DCAF1: variants seen among roughly 807,000 people sequenced by gnomAD.
The protein encoded by DCAF1 is DDB1- and CUL4-associated factor 1.
Under a neutral mutation model 128.0 loss-of-function variants are expected in DCAF1, and 15 were observed. That is an observed-to-expected ratio of 0.12 (90% CI 0.08 to 0.18). The LOEUF (loss-of-function observed/expected upper bound fraction) is 0.18, where lower values mean the gene tolerates loss of function less well. DCAF1 is among the 10% of genes least tolerant of loss of function. DCAF1 has a pLI of 1.00. For synonymous variants in DCAF1, 610 were observed against 603.0 expected (o/e 1.01, Z -0.17); for missense variants, 988 against 1,649.5 (o/e 0.60, Z 6.95).
intron 3 of DCAF1, among the ~76,000 whole-genome samples, chr3:51,472,231 G>A (rs181260723): frequency 6.6e-6 from 1 of 152,234 alleles, no homozygotes; most frequent in Admixed American, 6.6e-5. Context: ...GTTCTTCAAA[G>A]AGCCCAATTT....
chr3:51,441,280 T>C, intron 8 of DCAF1, 105 bp downstream of exon 8: 1 of 1,391,152 alleles, frequency 7.2e-7, no homozygotes, highest in Non-Finnish European at 9.6e-7. Context: ...CCCTTGTTTG[T>C]GGTAGAGTTA....
At chr3:51,495,083 G>C (rs1487648627) in intron 2 of DCAF1, among the ~76,000 whole-genome samples, 3 of 147,364 alleles carry the variant, frequency 2.0e-5, no homozygotes, top group Admixed American at 6.8e-5. Flanking sequence ...TGCACTTTGG[G>C]AGGCCAATGC....
chr3:51,465,016 C>A (rs1013472586), intron 5 of DCAF1, among the ~76,000 whole-genome samples: 4 of 152,066 alleles, frequency 2.6e-5, no homozygotes, highest in Admixed American at 2.6e-4. Context: ...AAGAGGGTAC[C>A]ATAATTTCTG....
At chr3:51,441,998 G>C (rs1157455151) in intron 7 of DCAF1, 101 bp from the exon 8 acceptor site, 1 of 1,468,704 alleles carries the variant, frequency 6.8e-7, no homozygotes, top group African/African-American at 1.4e-5. Flanking sequence ...GACTCATGCA[G>C]TGAGCCCAAC....
intron 3 of DCAF1, among the ~76,000 whole-genome samples, chr3:51,474,897 A>C (rs1341078178): frequency 6.7e-6 from 1 of 148,896 alleles, no homozygotes; most frequent in Non-Finnish European, 1.5e-5. Flanking sequence ...CAGTTCTCCT[A>C]CCTCAACCTC....
chr3:51,448,953 A>G (rs1292463958), intron 6 of DCAF1, among the ~76,000 whole-genome samples: 2 of 151,974 alleles, frequency 1.3e-5, no homozygotes, highest in Admixed American at 1.3e-4. Context: ...ATGTTAGGCC[A>G]CAAGTCTTAA....
rs180994215 is a variant in DCAF1 at position 51,422,495 on chromosome 3, G to C, written c.1848-64C>G. On this transcript the variant is annotated intron_variant, in intron 13 of 24. Coordinates refer to ENST00000684031, the MANE Select transcript of DCAF1 (RefSeq NM_001387579.1). Reference sequence around the variant, plus strand: ...AGCCACAAGAATCAAGAGAGACAGAGAGAGAGACACACAGACAGATAGACA... The same window carrying C: ...AGCCACAAGAATCAAGAGAGACAGACAGAGAGACACACAGACAGATAGACA... 7.3e-5 allele frequency: 52 copies of C among 712,152 alleles called. No homozygotes were observed. The African/African-American group carries it at 8.0e-4, about 11-fold the overall frequency. 44.1% of individuals were successfully genotyped at this position (712,152 alleles called of 1,614,324 possible). A position where few individuals can be genotyped will look rare whatever the true frequency, so the allele number is the denominator to read the frequency against.
chr3:51,417,126 G>A (rs558512278), intron 17 of DCAF1, among the ~76,000 whole-genome samples: 1 of 152,228 alleles, frequency 6.6e-6, no homozygotes, highest in Admixed American at 6.5e-5. Context: ...TTTGAAACAC[G>A]CAGCAAAGGG....
intron 3 of DCAF1, among the ~76,000 whole-genome samples, chr3:51,481,825 T>C (rs552893781): frequency 1.3e-5 from 2 of 152,108 alleles, no homozygotes; most frequent in African/African-American, 4.8e-5. Flanking sequence ...ACCCCACCTC[T>C]ACTAAAAATA....
At chr3:51,466,107 C>G (rs1299169038) in intron 5 of DCAF1, among the ~76,000 whole-genome samples, 1 of 152,144 alleles carries the variant, frequency 6.6e-6, no homozygotes, top group Non-Finnish European at 1.5e-5. Context: ...GAGCCTGAGG[C>G]AGGAGAATCA....
intron 1 of DCAF1, among the ~76,000 whole-genome samples, chr3:51,499,284 C>G (rs1708572571): frequency 6.6e-6 from 1 of 152,236 alleles, no homozygotes; most frequent in Non-Finnish European, 1.5e-5. Flanking sequence ...GACCCGCACA[C>G]CTCTCTTTCC....
At chr3:51,398,962 TC>T in intron 24 of DCAF1, 135 bp from the exon 25 acceptor site, 1 of 1,098,492 alleles carries the variant, frequency 9.1e-7, no homozygotes, top group South Asian at 1.5e-5. Flanking sequence ...AGAAAACACA[TC>T]AATTAACTCC....
chr3:51,487,649 A>G (rs1707125255), intron 2 of DCAF1, among the ~76,000 whole-genome samples: 1 of 151,880 alleles, frequency 6.6e-6, no homozygotes, highest in East Asian at 1.9e-4. Context: ...AATTTAACCA[A>G]TTCTTTCTTC....
intron 2 of DCAF1, 61 bp from the exon 3 acceptor site, chr3:51,483,897 G>A: frequency 8.6e-7 from 1 of 1,165,242 alleles, no homozygotes; most frequent in Non-Finnish European, 1.3e-6. Context: ...GCAAATAAAA[G>A]TGAAGAAGGG....
intron 6 of DCAF1, among the ~76,000 whole-genome samples, chr3:51,457,442 G>A (rs1168286056): frequency 2.0e-5 from 3 of 152,226 alleles, no homozygotes; most frequent in Non-Finnish European, 4.4e-5. Flanking sequence ...TCTGATTGGT[G>A]TACCTGAAAG....
intron 23 of DCAF1, among the ~76,000 whole-genome samples, chr3:51,409,522 G>A (rs1698209840): frequency 6.6e-6 from 1 of 152,134 alleles, no homozygotes; most frequent in Non-Finnish European, 1.5e-5. Context: ...TAATGATGTT[G>A]ACAAACAATC....
chr3:51,412,877 A>G, intron 22 of DCAF1, 116 bp downstream of exon 22: 2 of 1,443,798 alleles, frequency 1.4e-6, no homozygotes, highest in Non-Finnish European at 1.9e-6. Flanking sequence ...TCAATAATCT[A>G]CCTTCAGGAA....
chr3:51,414,910 C>T, intron 18 of DCAF1, 53 bp from the exon 19 acceptor site: 1 of 1,564,798 alleles, frequency 6.4e-7, no homozygotes, highest in Non-Finnish European at 8.7e-7. Flanking sequence ...CATCCACTGA[C>T]AAATTAAAGA....
intron 6 of DCAF1, among the ~76,000 whole-genome samples, chr3:51,455,536 G>C (rs1334553565): frequency 1.3e-5 from 2 of 152,046 alleles, no homozygotes; most frequent in Non-Finnish European, 2.9e-5. Context: ...AGCCCAGGAG[G>C]TCAAGGCTGC....
Sources: allele counts gnomAD v4.1 joint callset (sites outside exome capture counted in the v4.1 genomes callset), GRCh38; gene constraint gnomAD v4.1.1; transcripts MANE v1.5; gene names NCBI Gene and HGNC (gene_info 2026-07-23, HGNC 2026-07-21).